HDAC1: variants seen among roughly 807,000 people sequenced by gnomAD.
HDAC1 encodes protein deacetylase HDAC1.
A neutral mutation model predicts 65.5 loss-of-function variants in HDAC1; 18 were observed. That is an observed-to-expected ratio of 0.27 (90% CI 0.19 to 0.41). The LOEUF (loss-of-function observed/expected upper bound fraction) is 0.41. Among genes scored for constraint, HDAC1 ranks in the 10% least tolerant of loss-of-function variants. HDAC1 has a pLI of 1.00. For synonymous variants in HDAC1, 211 were observed against 227.9 expected (o/e 0.93, Z 0.67); for missense variants, 373 against 625.2 (o/e 0.60, Z 4.30).
Position 32,333,279 on chromosome 1 carries a change from A to C in HDAC1, c.*235A>C. ...TTAACTTTGAACCATAAAGGGTGCC[A>C]GGTCTGGGTGAAAGGGATACTTTTA... is the stretch of plus-strand genomic sequence containing the variant. On this transcript the variant is annotated 3_prime_UTR_variant, in exon 14 of 14. Coordinates refer to ENST00000373548, the MANE Select transcript of HDAC1 (RefSeq NM_004964.3). 1 of 400,414 alleles carries C rather than the reference A, an allele frequency of 2.5e-6. No individual in the cohort carries two copies. The highest frequency in any genetic ancestry group is 4.4e-6 in the Non-Finnish European group (1 of 224,800). The allele number at this position is 400,414 out of a possible 1,614,324, so 24.8% of individuals were successfully genotyped here.
Position 32,327,238 on chromosome 1 carries a change from G to T in HDAC1, c.494+161G>T, listed in dbSNP as rs1008274760. The T allele has an allele frequency of 8.6e-6, 6 of 695,056 alleles. No individual in the cohort carries two copies. Among genetic ancestry groups the T allele is most frequent in the Middle Eastern group, 3.4e-4 (1 of 2,972 alleles). The allele number at this position is 695,056 out of a possible 1,614,324, so 43.1% of individuals were successfully genotyped here. On this transcript the variant is annotated intron_variant, in intron 5 of 13. Coordinates refer to ENST00000373548, the MANE Select transcript of HDAC1 (RefSeq NM_004964.3). The surrounding 1 kb of genome is among the most constrained non-coding windows in gnomAD (Gnocchi z 6.0). ...GCCATCATCTCCTTGATGGGGTCTTGGTTTGATCTGAGCCACGGCATGATC... is the reference window on the plus strand; with the variant it reads ...GCCATCATCTCCTTGATGGGGTCTTTGTTTGATCTGAGCCACGGCATGATC...
Position 32,330,496 on chromosome 1 carries a change from G to T in HDAC1, c.730-82G>T. 1 of 911,852 alleles carries T rather than the reference G, an allele frequency of 1.1e-6. No homozygotes were observed. The highest frequency in any genetic ancestry group is 1.8e-6 in the Non-Finnish European group (1 of 546,066). The allele number at this position is 911,852 out of a possible 1,614,324, so 56.5% of individuals were successfully genotyped here. A position where few individuals can be genotyped will look rare whatever the true frequency, so the allele number is the denominator to read the frequency against. On this transcript the variant is annotated intron_variant, in intron 7 of 13. Coordinates refer to ENST00000373548, the MANE Select transcript of HDAC1 (RefSeq NM_004964.3). The surrounding 1 kb of genome is among the most constrained non-coding windows in gnomAD (Gnocchi z 4.2). ...AGAGTGGAAAGGTAGGAGTGGGTGG[G>T]AAAGTGTTGCACCCAGCCTTTCCAC...
At chr1:32,293,642 G>A (rs1050884525) in intron 1 of HDAC1, among the ~76,000 whole-genome samples, 3 of 151,888 alleles carry the variant, frequency 2.0e-5, no homozygotes, top group East Asian at 1.9e-4. Flanking sequence ...GGTGGCTCAC[G>A]CCTGTAATCC....
At chr1:32,315,276 T>C (rs1395197245) in intron 2 of HDAC1, among the ~76,000 whole-genome samples, 1 of 152,184 alleles carries the variant, frequency 6.6e-6, no homozygotes, top group Non-Finnish European at 1.5e-5. Context: ...CAGTTTTCAT[T>C]AGATACCCTT....
At position 32,292,139 on chromosome 1, in the gene HDAC1, C is replaced by G; in HGVS notation, c.-31C>G. On this transcript the variant is annotated 5_prime_UTR_variant, in exon 1 of 14. Coordinates refer to ENST00000373548, the MANE Select transcript of HDAC1 (RefSeq NM_004964.3). ...GCCGCGGGCGGGAGGGCGGACGGACCGACTGACGGTAGGGACGGGAGGCGA... is the reference window on the plus strand; with the variant it reads ...GCCGCGGGCGGGAGGGCGGACGGACGGACTGACGGTAGGGACGGGAGGCGA... 2 of 1,546,584 alleles carry G rather than the reference C, an allele frequency of 1.3e-6. No homozygotes were observed. Among genetic ancestry groups the G allele is most frequent in the African/African-American group, 2.7e-5 (2 of 73,014 alleles).
intron 2 of HDAC1, among the ~76,000 whole-genome samples, chr1:32,305,608 T>TC (rs936994402): frequency 7.1e-6 from 1 of 141,738 alleles, no homozygotes; most frequent in African/African-American, 2.8e-5. Context: ...TTGGTTGTCT[T>TC]TTTTTTTTTT....
At chr1:32,321,834 C>G (rs1293347875) in intron 3 of HDAC1, among the ~76,000 whole-genome samples, 3 of 152,108 alleles carry the variant, frequency 2.0e-5, no homozygotes, top group African/African-American at 7.2e-5. Flanking sequence ...AGGCCAAACT[C>G]TGTGCAGGAG....
chr1:32,331,937 G>A lies in HDAC1; in HGVS notation c.1219+131G>A, dbSNP rs1641297911. On this transcript the variant is annotated intron_variant, in intron 11 of 13. Transcript: ENST00000373548. This position sits in a 1 kb window ranked among gnomAD's most constrained non-coding sequence, Gnocchi z 4.2. ...AATCTGTTTTCGAGTTCCAGTGCCT[G>A]TAGGAACAGGTTAGGGAGCCCGAGT... 2 of 1,403,928 alleles carry A rather than the reference G, an allele frequency of 1.4e-6. No homozygotes were observed. Among genetic ancestry groups the A allele is most frequent in the Non-Finnish European group, 1.9e-6 (2 of 1,038,292 alleles). 87.0% of individuals were successfully genotyped at this position (1,403,928 alleles called of 1,614,324 possible). A position where few individuals can be genotyped will look rare whatever the true frequency, so the allele number is the denominator to read the frequency against.
In HDAC1 at chr1:32,315,093, T is replaced by C. The variant is rs550134390; in HGVS notation, c.163-1572T>C. ...TAATTAGAGAGGCAGAGGGTCATGT[T>C]TGAAGAAGACCTACCTTTAAGGGAT... On this transcript the variant is annotated intron_variant, in intron 2 of 13. Coordinates refer to ENST00000373548, the MANE Select transcript of HDAC1 (RefSeq NM_004964.3). 3.1e-4 allele frequency among the ~76,000 whole-genome samples: 47 copies of C among 152,266 alleles called. 1 individual carries two copies. Among genetic ancestry groups the C allele is most frequent in the Middle Eastern group, 3.4e-3 (1 of 294 alleles).
chr1:32,327,852 A>G lies in HDAC1; in HGVS notation c.636+175A>G. 3.0e-6 allele frequency: 2 copies of G among 656,672 alleles called. No individual in the cohort carries two copies. Among genetic ancestry groups the G allele is most frequent in the South Asian group, 1.7e-5 (1 of 59,472 alleles). 40.7% of individuals were successfully genotyped at this position (656,672 alleles called of 1,614,324 possible). On this transcript the variant is annotated intron_variant, in intron 6 of 13. Transcript: ENST00000373548. The surrounding 1 kb of genome is among the most constrained non-coding windows in gnomAD (Gnocchi z 6.0). ...CCCTTCCTTATTCTGGAGGAAGGGA[A>G]TGATGGGACATAAAGGGCCAGAGAA...
At chr1:32,306,557 A>C (rs1192516546) in intron 2 of HDAC1, among the ~76,000 whole-genome samples, 1 of 152,182 alleles carries the variant, frequency 6.6e-6, no homozygotes, top group Non-Finnish European at 1.5e-5. Flanking sequence ...CCTGGACTCA[A>C]GTAATCCTCC....
At position 32,329,307 on chromosome 1, in the gene HDAC1, G is replaced by C. The variant is rs572292980; in HGVS notation, c.729+147G>C. 26 of 663,024 alleles carry C rather than the reference G, an allele frequency of 3.9e-5. No homozygotes were observed. Among genetic ancestry groups the C allele is most frequent in the African/African-American group, 3.2e-4 (18 of 56,006 alleles). 41.1% of individuals were successfully genotyped at this position (663,024 alleles called of 1,614,324 possible). ...GTGTTTGAACCCTGGATTGCTGTGT[G>C]GTCAGTTAGGGGAACAAACACCCAT... On this transcript the variant is annotated intron_variant, in intron 7 of 13. Coordinates refer to ENST00000373548, the MANE Select transcript of HDAC1 (RefSeq NM_004964.3). The surrounding 1 kb of genome is among the most constrained non-coding windows in gnomAD (Gnocchi z 4.1).
chr1:32,299,785 G>A (rs1310554612), intron 1 of HDAC1, among the ~76,000 whole-genome samples: 1 of 152,144 alleles, frequency 6.6e-6, no homozygotes, highest in African/African-American at 2.4e-5. Flanking sequence ...GGCCTGGCAC[G>A]GTGGCTCACA....
At chr1:32,315,334 A>T (rs1641045388) in intron 2 of HDAC1, among the ~76,000 whole-genome samples, 2 of 151,710 alleles carry the variant, frequency 1.3e-5, no homozygotes, top group Non-Finnish European at 2.9e-5. Flanking sequence ...TATAATACGT[A>T]TATATACATA....
rs572897693 is a variant in HDAC1 at position 32,333,141 on chromosome 1, A to G, written c.*97A>G. On this transcript the variant is annotated 3_prime_UTR_variant, in exon 14 of 14. Transcript: ENST00000373548. ...TTCTATTTCTCTGTGTATTTATATA[A>G]AAATTTATTAAATATAAATATCCCC... 708 of 990,578 alleles carry G rather than the reference A, an allele frequency of 7.1e-4. No homozygotes were observed. Among genetic ancestry groups the G allele is most frequent in the Non-Finnish European group, 9.7e-4 (653 of 674,522 alleles). 61.4% of individuals were successfully genotyped at this position (990,578 alleles called of 1,614,324 possible).
At chr1:32,307,310 G>T (rs1316174965) in intron 2 of HDAC1, among the ~76,000 whole-genome samples, 1 of 152,112 alleles carries the variant, frequency 6.6e-6, no homozygotes, top group Non-Finnish European at 1.5e-5. Flanking sequence ...TTCAGCACAG[G>T]ATTTTTTTCT....
chr1:32,325,423 C>A (rs1010598310), intron 4 of HDAC1, among the ~76,000 whole-genome samples: 3 of 152,184 alleles, frequency 2.0e-5, no homozygotes, highest in African/African-American at 7.2e-5. Flanking sequence ...AACACAATCA[C>A]CCACAGTCAC....
At chr1:32,301,499 G>A (rs979984000) in intron 1 of HDAC1, among the ~76,000 whole-genome samples, 6 of 151,864 alleles carry the variant, frequency 4.0e-5, no homozygotes, top group African/African-American at 1.2e-4. Context: ...GCCAGGCGCG[G>A]TGGCTCACAC....
At chr1:32,305,040 T>G (rs1317898395) in intron 2 of HDAC1, among the ~76,000 whole-genome samples, 3 of 152,184 alleles carry the variant, frequency 2.0e-5, no homozygotes, top group African/African-American at 7.2e-5. Context: ...AAAATGATTT[T>G]TATTTTTTAC....
Sources: allele counts gnomAD v4.1 joint callset (sites outside exome capture counted in the v4.1 genomes callset), GRCh38; gene constraint gnomAD v4.1.1; non-coding constraint Gnocchi (gnomAD v3.1); transcripts MANE v1.5; gene names NCBI Gene and HGNC (gene_info 2026-07-23, HGNC 2026-07-21).